The following SEMA5A variants were observed in gnomAD, a reference collection of about 807,000 sequenced individuals.
SEMA5A encodes semaphorin 5A.
In SEMA5A, 55 loss-of-function variants were observed where a neutral mutation model predicts 135.5. The observed-to-expected ratio is 0.41, with a 90% CI of 0.33 to 0.51. SEMA5A has a LOEUF of 0.51. SEMA5A is among the 20% of genes least tolerant of loss of function. The pLI, the probability that SEMA5A is intolerant of heterozygous loss-of-function variation, is 0.37. For synonymous variants in SEMA5A, 580 were observed against 546.5 expected, an observed-to-expected ratio of 1.06 and a Z score of -0.85; for missense variants, 1,290 against 1,419.9, an observed-to-expected ratio of 0.91 and a Z score of 1.47.
chr5:9,380,774 T>C (rs1334080446), intron 2 of SEMA5A, among the ~76,000 whole-genome samples: 1 of 152,200 alleles, frequency 6.6e-6, no homozygotes, highest in Non-Finnish European at 1.5e-5. Flanking sequence ...TCCAAGCTGT[T>C]AGCAAACCTC....
chr5:9,154,530 A>G lies in SEMA5A; in HGVS notation c.1439T>C (p.Val480Ala), dbSNP rs1456287498. 1.9e-6 allele frequency: 3 copies of G among 1,612,272 alleles called. No individual in the cohort carries two copies. The highest frequency in any genetic ancestry group is 2.7e-5 in the African/African-American group (2 of 74,812). ...VLFVGLREHV[V>A]KIPLKRCQFY... ...CTGGCACCTCTTCAGGGGGATCTTG[A>G]CCACGTGCTCCCGCAGGCCCACGAA... is the stretch of plus-strand genomic sequence containing the variant. Residue 480 changes from valine to alanine, a missense_variant, in exon 12 of 23, where the codon GTC becomes GCC. Val to Ala is a moderately conservative substitution (Grantham distance 64). Transcript: ENST00000382496.
At chr5:9,202,573 T>G (rs997665580) in intron 8 of SEMA5A, among the ~76,000 whole-genome samples, 3 of 152,232 alleles carry the variant, frequency 2.0e-5, no homozygotes, top group Non-Finnish European at 4.4e-5. Context: ...TGTATTACTT[T>G]ATTTGCAAAT....
At chr5:9,161,035 C>G (rs775535838) in intron 11 of SEMA5A, among the ~76,000 whole-genome samples, 22 of 152,162 alleles carry the variant, frequency 1.4e-4, no homozygotes, top group East Asian at 3.8e-4. Context: ...CAGTCCCCAT[C>G]CCACAGGAAA....
chr5:9,070,920 A>G lies in SEMA5A; in HGVS notation c.2074-4274T>C, dbSNP rs1184533988. 8.5e-5 allele frequency among the ~76,000 whole-genome samples: 13 copies of G among 152,226 alleles called. 1 individual carries two copies. Among genetic ancestry groups the G allele is most frequent in the Admixed American group, 5.2e-4 (8 of 15,280 alleles). On this transcript the variant is annotated intron_variant, in intron 16 of 22. Coordinates refer to ENST00000382496, the MANE Select transcript of SEMA5A (RefSeq NM_003966.3). The stretch of plus-strand genomic sequence containing the variant: ...ATTTAATTCTATTGTGATCACTTAT[A>G]TGGCTTAACTGAATATGTATGTTAC...
chr5:9,442,796 C>T (rs1758287882), intron 1 of SEMA5A, among the ~76,000 whole-genome samples: 1 of 151,996 alleles, frequency 6.6e-6, no homozygotes, highest in Non-Finnish European at 1.5e-5. Context: ...TCCATTTTTG[C>T]AAAGAATCAC....
In SEMA5A at chr5:9,236,609, G is replaced by A. The variant is rs78027649; in HGVS notation, c.333+1219C>T. 9.9e-3 allele frequency among the ~76,000 whole-genome samples: 1,511 copies of A among 152,302 alleles called. 30 individuals carry two copies. Among genetic ancestry groups the A allele is most frequent in the African/African-American group, 0.035 (1,458 of 41,556 alleles). ...TTTATTTATTTTGGGGAGCATTTGA[G>A]GATATCACATTCGAATTCTTTGACA... On this transcript the variant is annotated intron_variant, in intron 6 of 22. Transcript: ENST00000382496.
At chr5:9,087,454 C>A (rs912825231) in intron 16 of SEMA5A, among the ~76,000 whole-genome samples, 2 of 151,918 alleles carry the variant, frequency 1.3e-5, no homozygotes, top group African/African-American at 4.8e-5. Flanking sequence ...CTGTGTGTTT[C>A]TAAAATATAA....
intron 2 of SEMA5A, among the ~76,000 whole-genome samples, chr5:9,403,849 G>T (rs529665718): frequency 6.6e-6 from 1 of 152,294 alleles, no homozygotes; most frequent in South Asian, 2.1e-4. Flanking sequence ...TCAGAAACAT[G>T]GCAAAGGTCT....
intron 4 of SEMA5A, among the ~76,000 whole-genome samples, chr5:9,331,944 C>T (rs1018592441): frequency 6.6e-6 from 1 of 152,212 alleles, no homozygotes; most frequent in Non-Finnish European, 1.5e-5. Context: ...GTTGCACATA[C>T]ATTTATACAG....
intron 14 of SEMA5A, among the ~76,000 whole-genome samples, chr5:9,121,730 T>A (rs566494412): frequency 6.6e-6 from 1 of 152,284 alleles, no homozygotes; most frequent in South Asian, 2.1e-4. Context: ...TCTGTGGCCC[T>A]GATTTGCTCC....
chr5:9,430,860 G>A (rs920688551), intron 2 of SEMA5A, among the ~76,000 whole-genome samples: 1 of 150,470 alleles, frequency 6.6e-6, no homozygotes, highest in Non-Finnish European at 1.5e-5. Context: ...TTTTTTTTTA[G>A]CAAAGAGGAG....
At chr5:9,506,482 G>A (rs1476111610) in intron 1 of SEMA5A, among the ~76,000 whole-genome samples, 7 of 152,240 alleles carry the variant, frequency 4.6e-5, no homozygotes, top group South Asian at 2.1e-4. Context: ...AGAGACTGCC[G>A]ACAAGAGATC....
intron 1 of SEMA5A, among the ~76,000 whole-genome samples, chr5:9,539,988 T>C (rs75995794): frequency 2.0e-5 from 3 of 152,314 alleles, no homozygotes; most frequent in Admixed American, 6.5e-5. Context: ...GGAACATTTT[T>C]CTCTAAATAA....
rs559942858 is a variant in SEMA5A at position 9,540,728 on chromosome 5, T to C, written c.-175+4856A>G. Among the ~76,000 whole-genome samples, 441 of 152,252 alleles carry C rather than the reference T, an allele frequency of 2.9e-3. 6 individuals carry two copies. The highest frequency in any genetic ancestry group is 0.01 in the African/African-American group (425 of 41,538). Reference sequence around the variant, plus strand: ...TTTACAGGATGCCCAACCATAAATGTCCCTGGCCTCCGAAGCGTTCTCTTT... The same window carrying C: ...TTTACAGGATGCCCAACCATAAATGCCCCTGGCCTCCGAAGCGTTCTCTTT... On this transcript the variant is annotated intron_variant, in intron 1 of 22. Transcript: ENST00000382496.
chr5:9,326,922 C>T (rs543061770), intron 4 of SEMA5A, among the ~76,000 whole-genome samples: 1 of 152,166 alleles, frequency 6.6e-6, no homozygotes, highest in South Asian at 2.1e-4. Flanking sequence ...AATCATGTAA[C>T]CAACTCATAT....
Position 9,037,913 on chromosome 5 carries a change from T to C in SEMA5A, c.*4984A>G, listed in dbSNP as rs997690446. ...CAAACATTTTATCTTACATTGTGCA[T>C]GGCATTCCCTTTTATGCGTTTCTTA... On this transcript the variant is annotated 3_prime_UTR_variant, in exon 23 of 23. Transcript: ENST00000382496. The C allele has an allele frequency of 1.3e-5, 2 of 152,242 alleles. No homozygotes were observed. The highest frequency in any genetic ancestry group is 4.8e-5 in the African/African-American group (2 of 41,468). 9.4% of individuals were successfully genotyped at this position (152,242 alleles called of 1,614,324 possible).
intron 3 of SEMA5A, among the ~76,000 whole-genome samples, chr5:9,372,317 G>A (rs1755170347): frequency 1.3e-5 from 2 of 152,228 alleles, no homozygotes; most frequent in Admixed American, 6.5e-5. Context: ...AAGAAACAGA[G>A]CATCATGAGA....
At chr5:9,184,513 GTCCT>G (rs892952548) in intron 11 of SEMA5A, among the ~76,000 whole-genome samples, 1 of 152,050 alleles carries the variant, frequency 6.6e-6, no homozygotes, top group Non-Finnish European at 1.5e-5. Flanking sequence ...GTCTTTGTGG[GTCCT>G]TCATATTTAA....
intron 4 of SEMA5A, among the ~76,000 whole-genome samples, chr5:9,334,587 G>A (rs925567282): frequency 6.6e-6 from 1 of 152,110 alleles, no homozygotes; most frequent in Admixed American, 6.6e-5. Flanking sequence ...TTTCATCTTC[G>A]CAACAGCTGA....
Sources: gnomAD v4.1 joint callset for allele counts (sites outside exome capture counted in the v4.1 genomes callset) on GRCh38, gnomAD v4.1.1 for gene constraint, MANE v1.5 for transcripts, NCBI Gene and HGNC (gene_info 2026-07-23, HGNC 2026-07-21) for gene names.